Variants in SHISAL1 observed in about 807,000 individuals in gnomAD.
The protein encoded by SHISAL1 is protein shisa-like-1.
Under a neutral mutation model 22.6 loss-of-function variants are expected in SHISAL1, and 9 were observed. The observed-to-expected ratio is 0.40, with a 90% CI of 0.24 to 0.70. The LOEUF is 0.70. Among genes scored for constraint, SHISAL1 ranks in the 30% least tolerant of loss-of-function variants. The pLI, the probability that SHISAL1 is intolerant of heterozygous loss-of-function variation, is 0.39. For synonymous variants in SHISAL1, 119 were observed against 115.4 expected (o/e 1.03, Z -0.20); for missense variants, 246 against 270.6 (o/e 0.91, Z 0.64).
chr22:44,329,922 C>T, the SHISAL1 span, among the ~76,000 whole-genome samples: 3 of 152,196 alleles, frequency 2.0e-5, no homozygotes, highest in Non-Finnish European at 4.4e-5. Context: ...CCATCTGATT[C>T]CCAGCAAGGT....
In SHISAL1 at chr22:44,259,413, G is replaced by A. The variant is rs529943250; in HGVS notation, c.*-9728C>T. Among the ~76,000 whole-genome samples, 297 of 151,830 alleles carry A rather than the reference G, an allele frequency of 2.0e-3. 1 individual carries two copies. Among genetic ancestry groups the A allele is most frequent in the Middle Eastern group, 3.4e-3 (1 of 292 alleles). On this transcript the variant is annotated intron_variant, in intron 4 of 4. Transcript: ENST00000381176. ...ATATCGCGCCACTGCACTCCAGCTCGGGCGACAGTGCAAGACTCTGTCTAA... is the reference window on the plus strand; with the variant it reads ...ATATCGCGCCACTGCACTCCAGCTCAGGCGACAGTGCAAGACTCTGTCTAA...
At chr22:44,292,875 G>C (rs947116942) in intron 3 of SHISAL1, among the ~76,000 whole-genome samples, 1 of 152,234 alleles carries the variant, frequency 6.6e-6, no homozygotes, top group Non-Finnish European at 1.5e-5. Flanking sequence ...GTCTGGCCTA[G>C]GCCACCCTCA....
At chr22:44,251,830 AT>A (rs1368257082) in intron 4 of SHISAL1, among the ~76,000 whole-genome samples, 1 of 152,198 alleles carries the variant, frequency 6.6e-6, no homozygotes, top group Non-Finnish European at 1.5e-5. Context: ...TCAAGATGAG[AT>A]TTGGGTGGGG....
At chr22:44,273,392 CG>C (rs2055217956) in intron 4 of SHISAL1, among the ~76,000 whole-genome samples, 2 of 152,154 alleles carry the variant, frequency 1.3e-5, no homozygotes, top group Non-Finnish European at 2.9e-5. Context: ...ATGCAAATAC[CG>C]TCACCGGCAC....
At chr22:44,263,027 T>TATGCATGTGGGGTGTGGGG (rs2055135818) in intron 4 of SHISAL1, among the ~76,000 whole-genome samples, 1 of 151,630 alleles carries the variant, frequency 6.6e-6, no homozygotes, top group African/African-American at 2.4e-5. Flanking sequence ...GTGCTGACGG[T>TATGCATGTGGGGTGTGGGG]ATGCATGTGG....
chr22:44,250,179 T>C (rs1466327661), intron 4 of SHISAL1, among the ~76,000 whole-genome samples: 1 of 152,236 alleles, frequency 6.6e-6, no homozygotes, highest in Admixed American at 6.5e-5. Flanking sequence ...TTTAATGTTG[T>C]TCCCCTTTTA....
At chr22:44,279,148 G>A (rs1021940583) in intron 4 of SHISAL1, among the ~76,000 whole-genome samples, 30 of 152,158 alleles carry the variant, frequency 2.0e-4, no homozygotes, top group East Asian at 1.9e-4. Flanking sequence ...GACAGCCTCC[G>A]GGGTTTTAGC....
At chr22:44,295,413 C>T (rs960283438) in intron 3 of SHISAL1, among the ~76,000 whole-genome samples, 13 of 151,114 alleles carry the variant, frequency 8.6e-5, no homozygotes, top group African/African-American at 2.7e-4. Flanking sequence ...TAATTAAAGA[C>T]AAAATATTAA....
At chr22:44,314,265 C>T (rs974207312), upstream of SHISAL1, among the ~76,000 whole-genome samples, 24 of 152,050 alleles carry the variant, frequency 1.6e-4, no homozygotes, top group African/African-American at 5.8e-4. Flanking sequence ...CCTCCTGCCT[C>T]TTGTCTGGGG....
Position 44,266,528 on chromosome 22 carries a change from A to ATGTGTGTGTGTGTGTG in SHISAL1, c.*-16859_*-16844dup, listed in dbSNP as rs11473448. On this transcript the variant is annotated intron_variant, in intron 4 of 4. Transcript: ENST00000381176. ...ATGTGTGTGTTGGGGGCTTTGGGGT[A>ATGTGTGTGTGTGTGTG]TGTGTGTGTGTGTGTGTGTGTGTGT... 1.3e-3 allele frequency among the ~76,000 whole-genome samples: 144 copies of ATGTGTGTGTGTGTGTG among 108,406 alleles called. 2 individuals are homozygous for ATGTGTGTGTGTGTGTG. The highest frequency in any genetic ancestry group is 3.8e-3 in the South Asian group (11 of 2,874). 71.1% of individuals were successfully genotyped at this position (108,406 alleles called of 152,430 possible). A position where few individuals can be genotyped will look rare whatever the true frequency, so the allele number is the denominator to read the frequency against.
chr22:44,312,952 G>A (rs1262705283), upstream of SHISAL1: 1 of 152,346 alleles, frequency 6.6e-6, no homozygotes, highest in African/African-American at 2.4e-5. Context: ...AATTCAGTGT[G>A]CTCCTCAGGG....
rs545551915 is a variant in SHISAL1, at chr22:44,244,273, T to C, written c.*5412A>G. 1 of 152,302 alleles carries C rather than the reference T, an allele frequency of 6.6e-6. No homozygotes were observed. Among genetic ancestry groups the C allele is most frequent in the South Asian group, 2.1e-4 (1 of 4,814 alleles). 9.4% of individuals were successfully genotyped at this position (152,302 alleles called of 1,614,324 possible). On this transcript the variant is annotated 3_prime_UTR_variant, in exon 5 of 5. Coordinates refer to ENST00000381176, the MANE Select transcript of SHISAL1 (RefSeq NM_001099294.2). ...TGACCAATGTGGGATCCTGCACATT[T>C]TGGAGGCTGGTTTAGGGTCATTCAA...
At chr22:44,297,138 C>A (rs565196440) in intron 2 of SHISAL1, among the ~76,000 whole-genome samples, 1 of 152,326 alleles carries the variant, frequency 6.6e-6, no homozygotes, top group South Asian at 2.1e-4. Flanking sequence ...GGTGAACATG[C>A]TTGACATGCA....
intron 3 of SHISAL1, among the ~76,000 whole-genome samples, chr22:44,286,438 T>A (rs533779088): frequency 4.6e-5 from 7 of 152,156 alleles, no homozygotes; most frequent in African/African-American, 1.7e-4. Context: ...GCGGGAGGGT[T>A]TGGAAGCCCG....
At chr22:44,287,037 C>A (rs183736674) in intron 3 of SHISAL1, among the ~76,000 whole-genome samples, 1 of 151,998 alleles carries the variant, frequency 6.6e-6, no homozygotes, top group Non-Finnish European at 1.5e-5. Flanking sequence ...GGAGGTCTCG[C>A]GGGCAGCAGA....
In SHISAL1 at chr22:44,302,406, T is replaced by G. The variant is rs567489866; in HGVS notation, c.-32-1429A>C. 2.1e-5 allele frequency among the ~76,000 whole-genome samples: 3 copies of G among 140,834 alleles called. No homozygotes were observed. The East Asian group carries it at 6.0e-4, about 28-fold the overall frequency. 92.4% of individuals were successfully genotyped at this position (140,834 alleles called of 152,430 possible). ...AGTAAGTTCTCTGTAATGTATATTT[T>G]GCCACAATAAAAAAAAATTTTTAAT... is the stretch of plus-strand genomic sequence containing the variant. On this transcript the variant is annotated intron_variant, in intron 1 of 4. Coordinates refer to ENST00000381176, the MANE Select transcript of SHISAL1 (RefSeq NM_001099294.2).
At chr22:44,290,826 G>A (rs976739227) in intron 3 of SHISAL1, among the ~76,000 whole-genome samples, 1 of 152,192 alleles carries the variant, frequency 6.6e-6, no homozygotes. Flanking sequence ...TGGCTCGTGT[G>A]ATTAAGGCAC....
intron 1 of SHISAL1, among the ~76,000 whole-genome samples, chr22:44,308,619 C>T (rs962244220): frequency 6.6e-6 from 1 of 152,230 alleles, no homozygotes; most frequent in Non-Finnish European, 1.5e-5. Flanking sequence ...CTTCCCCCGT[C>T]CCCAGGGTGA....
intron 4 of SHISAL1, among the ~76,000 whole-genome samples, chr22:44,281,021 G>A (rs963117902): frequency 1.1e-4 from 16 of 152,162 alleles, no homozygotes; most frequent in African/African-American, 2.9e-4. Context: ...CAACATCCTC[G>A]GGCCTGGCTT....
Sources: allele counts gnomAD v4.1 joint callset (sites outside exome capture counted in the v4.1 genomes callset), GRCh38; gene constraint gnomAD v4.1.1; transcripts MANE v1.5; gene names NCBI Gene and HGNC (gene_info 2026-07-23, HGNC 2026-07-21).